SNCAIP: variants seen among roughly 807,000 people sequenced by gnomAD.
The protein encoded by SNCAIP is synphilin-1.
In SNCAIP, 43 loss-of-function variants were observed where a neutral mutation model predicts 86.7. The ratio of observed to expected loss-of-function variants is 0.50; its 90% CI spans 0.39 to 0.64. SNCAIP has a LOEUF of 0.64. SNCAIP is among the 30% of genes least tolerant of loss of function. SNCAIP has a pLI of 0.00. For synonymous variants in SNCAIP, 417 were observed against 427.2 expected (o/e 0.98, Z 0.29); for missense variants, 981 against 1,103.1 (o/e 0.89, Z 1.57).
intron 3 of SNCAIP, among the ~76,000 whole-genome samples, chr5:122,417,670 CCTTCCTTCCCTCCTTT>C (rs1283743765): frequency 6.6e-6 from 1 of 152,006 alleles, no homozygotes; most frequent in African/African-American, 2.4e-5. Context: ...CTTCCTCCTT[CCTTCCTTCCCTCCTTT>C]CTTCCTTCCA....
chr5:122,459,185 A>T (rs375742569), intron 10 of SNCAIP, among the ~76,000 whole-genome samples: 1 of 152,280 alleles, frequency 6.6e-6, no homozygotes, highest in East Asian at 1.9e-4. Context: ...ATGTGCTCTC[A>T]GTCAAAACTC....
intron 2 of SNCAIP, among the ~76,000 whole-genome samples, chr5:122,397,460 C>T (rs968770105): frequency 6.6e-6 from 1 of 152,028 alleles, no homozygotes; most frequent in Non-Finnish European, 1.5e-5. Flanking sequence ...AAAAGAGTTA[C>T]TGAGTTTTCT....
At chr5:122,398,155 C>T (rs565338845) in intron 2 of SNCAIP, among the ~76,000 whole-genome samples, 4 of 152,264 alleles carry the variant, frequency 2.6e-5, no homozygotes, top group African/African-American at 4.8e-5. Context: ...GGCCCATGCT[C>T]AGTCAAGGAG....
intron 1 of SNCAIP, among the ~76,000 whole-genome samples, chr5:122,334,749 T>C (rs1756087274): frequency 6.6e-6 from 1 of 152,238 alleles, no homozygotes; most frequent in East Asian, 1.9e-4. Context: ...AATGTGCTAA[T>C]TTTTTGCAAC....
At chr5:122,445,674 AT>A (rs1441324155) in intron 8 of SNCAIP, among the ~76,000 whole-genome samples, 3 of 142,292 alleles carry the variant, frequency 2.1e-5, no homozygotes, top group Non-Finnish European at 3.1e-5. Flanking sequence ...ACACACACAC[AT>A]TTTTTTTCTG....
At chr5:122,323,302 ATTAAG>A (rs1295692069) in intron 1 of SNCAIP, 48 of 152,220 alleles carry the variant, frequency 3.2e-4, no homozygotes, top group Non-Finnish European at 2.9e-5. Context: ...CTAATCTTTA[ATTAAG>A]TTGAGTACTC....
chr5:122,339,224 G>A (rs1757086817), intron 1 of SNCAIP, among the ~76,000 whole-genome samples: 1 of 152,124 alleles, frequency 6.6e-6, no homozygotes, highest in Non-Finnish European at 1.5e-5. Flanking sequence ...CACTGAGTGG[G>A]CCATATCAAT....
Position 122,423,310 on chromosome 5 carries a change from C to G in SNCAIP, c.573C>G (p.Ala191=). Residue 191 remains alanine, a synonymous_variant, in exon 4 of 11, where the codon GCC becomes GCG. Coordinates refer to ENST00000261368, the MANE Select transcript of SNCAIP (RefSeq NM_005460.4). The part of the protein sequence containing the change: ...CTTINGLSGK[A]CSTGSSESSS... ...CCATCAATGGCCTTTCTGGCAAAGC[C>G]TGCTCTACAGGAAGTTCTGAGAGCT... 6.2e-7 allele frequency: 1 copy of G among 1,614,202 alleles called. No individual in the cohort carries two copies. The highest frequency in any genetic ancestry group is 8.5e-7 in the Non-Finnish European group (1 of 1,180,012).
At chr5:122,375,325 A>T (rs1048298109) in intron 1 of SNCAIP, among the ~76,000 whole-genome samples, 53 of 152,156 alleles carry the variant, frequency 3.5e-4, no homozygotes, top group African/African-American at 1.2e-3. Flanking sequence ...AATTCTAATT[A>T]AAAATATATG....
chr5:122,396,961 G>A (rs781079409), intron 2 of SNCAIP, among the ~76,000 whole-genome samples: 4 of 151,948 alleles, frequency 2.6e-5, no homozygotes, highest in Non-Finnish European at 4.4e-5. Context: ...GCTGGTTTTG[G>A]TACTTTTAAA....
At chr5:122,341,153 G>A (rs7443936) in intron 1 of SNCAIP, among the ~76,000 whole-genome samples, 24,629 of 152,190 alleles carry the variant, frequency 0.16, 2,170 homozygotes, top group South Asian at 0.3. Context: ...GCTAACCAGC[G>A]AGGATAATCA....
At chr5:122,428,110 C>T (rs1003780614) in intron 5 of SNCAIP, among the ~76,000 whole-genome samples, 2 of 152,148 alleles carry the variant, frequency 1.3e-5, no homozygotes, top group African/African-American at 4.8e-5. Flanking sequence ...TATTTTAAGA[C>T]TTAAATAGTC....
In SNCAIP at chr5:122,425,453, C is replaced by T. The variant is rs763538933; in HGVS notation, c.1104C>T (p.His368=). ...ASQGHAECLQ[H]LTSLMGEDCL... is the part of the protein sequence containing the mutation. ...AGGGACACGCAGAGTGTCTACAGCA[C>T]CTCACTTCTTTGATGGGAGAAGACT... The change falls in exon 5 of 11, where the codon CAC becomes CAT. Residue 368 remains histidine (H), a synonymous_variant. Coordinates refer to ENST00000261368, the MANE Select transcript of SNCAIP (RefSeq NM_005460.4). The T allele has an allele frequency of 8.7e-6, 14 of 1,613,998 alleles. No individual in the cohort carries two copies. The South Asian group carries it at 1.5e-4, about 18-fold the overall frequency.
chr5:122,410,009 A>G (rs1043353647), intron 3 of SNCAIP, among the ~76,000 whole-genome samples: 6 of 152,254 alleles, frequency 3.9e-5, no homozygotes, highest in African/African-American at 1.4e-4. Flanking sequence ...GAAAATGAAC[A>G]CTTCAACCTG....
intron 1 of SNCAIP, chr5:122,371,298 C>G (rs1296305905): frequency 1.4e-5 from 2 of 147,734 alleles, no homozygotes; most frequent in African/African-American, 2.6e-5. Flanking sequence ...CAGAGCAAGA[C>G]CTTATCTCAG....
At chr5:122,315,122 T>A (rs1751436711) in intron 1 of SNCAIP, among the ~76,000 whole-genome samples, 1 of 152,264 alleles carries the variant, frequency 6.6e-6, no homozygotes, top group Non-Finnish European at 1.5e-5. Context: ...AAATTGCCAC[T>A]ATAGCTTATG....
chr5:122,368,171 C>T (rs915645630), intron 1 of SNCAIP, among the ~76,000 whole-genome samples: 2 of 152,140 alleles, frequency 1.3e-5, no homozygotes, highest in Admixed American at 6.5e-5. Flanking sequence ...TTCCTGGTTC[C>T]CTAGGACTTT....
chr5:122,313,199 G>A (rs1750997882), intron 1 of SNCAIP, among the ~76,000 whole-genome samples: 1 of 152,250 alleles, frequency 6.6e-6, no homozygotes, highest in South Asian at 2.1e-4. Flanking sequence ...CCTTGGGAAA[G>A]TTAATTAAGG....
rs768309290 is a variant in SNCAIP at position 122,449,866 on chromosome 5, G to A, written c.1614G>A (p.Thr538=). ...QLKEQTVERV[T]LQNQLQQFLE... is the part of the protein sequence containing the mutation. ...CCAGACAAACAGTAGAACGTGTCACGCTGCAGAACCAACTCCAACAATTTC... is the reference window on the plus strand; with the variant it reads ...CCAGACAAACAGTAGAACGTGTCACACTGCAGAACCAACTCCAACAATTTC... Residue 538 remains threonine, a synonymous_variant, in exon 9 of 11, where the codon ACG becomes ACA. Coordinates refer to ENST00000261368, the MANE Select transcript of SNCAIP (RefSeq NM_005460.4). 83 of 1,613,708 alleles carry A rather than the reference G, an allele frequency of 5.1e-5. 1 individual carries two copies. The highest frequency in any genetic ancestry group is 4.4e-4 in the South Asian group (40 of 91,084).
Sources: gnomAD v4.1 joint callset for allele counts (sites outside exome capture counted in the v4.1 genomes callset) on GRCh38, gnomAD v4.1.1 for gene constraint, MANE v1.5 for transcripts, NCBI Gene and HGNC (gene_info 2026-07-23, HGNC 2026-07-21) for gene names.